TNKS: variants seen among roughly 807,000 people sequenced by gnomAD.
TNKS encodes the protein tankyrase.
A neutral mutation model predicts 135.8 loss-of-function variants in TNKS; 72 were observed. That is an observed-to-expected ratio of 0.53 (90% CI 0.44 to 0.64). The LOEUF is 0.64. TNKS is among the 30% of genes least tolerant of loss of function. TNKS has a pLI of 0.00. For missense variants in TNKS, 1,769 were observed against 1,674.0 expected (o/e 1.06, Z -0.99); for synonymous variants, 849 against 649.3 (o/e 1.31, Z -4.68).
chr8:9,658,560 G>C (rs1801536165), intron 3 of TNKS: 1 of 327,424 alleles, frequency 3.1e-6, no homozygotes, highest in Non-Finnish European at 5.5e-6. Flanking sequence ...CACCAGGCCT[G>C]CCCTAAAAGA....
chr8:9,565,813 C>T (rs1364129971), intron 1 of TNKS, among the ~76,000 whole-genome samples: 2 of 151,944 alleles, frequency 1.3e-5, no homozygotes, highest in Admixed American at 6.6e-5. Context: ...GCCGAGATCA[C>T]GCCACTGCAC....
chr8:9,614,782 C>T (rs1353125540), intron 2 of TNKS, among the ~76,000 whole-genome samples: 2 of 152,170 alleles, frequency 1.3e-5, no homozygotes, highest in South Asian at 2.1e-4. Context: ...ACCCTCCCTA[C>T]GTATACACAC....
rs181975977 is a variant in TNKS at position 9,631,478 on chromosome 8, T to C, written c.994+15801T>C. Among the ~76,000 whole-genome samples the C allele has an allele frequency of 2.9e-3, 446 of 152,342 alleles. 4 individuals are homozygous for C. The highest frequency in any genetic ancestry group is 1.0e-2 in the African/African-American group (414 of 41,590). On this transcript the variant is annotated intron_variant, in intron 3 of 26. Transcript: ENST00000310430. Reference sequence around the variant, plus strand: ...CTATAAAATAAGTTATCTAGTGTAGTAGAAGAAAATTTACTAAAAACTAAA... The same window carrying C: ...CTATAAAATAAGTTATCTAGTGTAGCAGAAGAAAATTTACTAAAAACTAAA...
At chr8:9,575,808 C>CT (rs1405783947) in intron 1 of TNKS, among the ~76,000 whole-genome samples, 1 of 152,164 alleles carries the variant, frequency 6.6e-6, no homozygotes, top group Non-Finnish European at 1.5e-5. Context: ...ATGGATTTAA[C>CT]TATGAGTATT....
At chr8:9,698,374 GAA>G (rs34311181) in intron 5 of TNKS, among the ~76,000 whole-genome samples, 1 of 98,758 alleles carries the variant, frequency 1.0e-5, no homozygotes. Flanking sequence ...ATTTTAAAAT[GAA>G]AAAAAAAAAA....
intron 2 of TNKS, among the ~76,000 whole-genome samples, chr8:9,598,065 A>C (rs1180144185): frequency 2.0e-5 from 3 of 152,162 alleles, no homozygotes; most frequent in African/African-American, 7.2e-5. Flanking sequence ...TTGGCATTTC[A>C]GTCTGTTGAA....
chr8:9,657,810 G>A (rs1406062517), intron 3 of TNKS, among the ~76,000 whole-genome samples: 8 of 150,846 alleles, frequency 5.3e-5, no homozygotes, highest in East Asian at 2.0e-4. Flanking sequence ...CGGATGGGGC[G>A]GCTGCCGGGC....
chr8:9,636,500 G>C (rs1800517044), intron 3 of TNKS, among the ~76,000 whole-genome samples: 1 of 150,982 alleles, frequency 6.6e-6, no homozygotes, highest in South Asian at 2.1e-4. Flanking sequence ...ATTGATTATT[G>C]TTTCAAAATT....
At chr8:9,656,499 G>A (rs1801374489) in intron 3 of TNKS, among the ~76,000 whole-genome samples, 1 of 152,204 alleles carries the variant, frequency 6.6e-6, no homozygotes, top group Non-Finnish European at 1.5e-5. Context: ...AGAAAGGTCG[G>A]GTTACCCACA....
In TNKS at chr8:9,585,618, A is replaced by G. The variant is rs527315539; in HGVS notation, c.898+5235A>G. ...ATAACCTTCTAAAGCCTGCTGGAAG[A>G]AAAGGATTAAGTTGTAATTTCCTTG... On this transcript the variant is annotated intron_variant, in intron 2 of 26. Coordinates refer to ENST00000310430, the MANE Select transcript of TNKS (RefSeq NM_003747.3). 3.0e-4 allele frequency among the ~76,000 whole-genome samples: 46 copies of G among 152,354 alleles called. 1 individual carries two copies. The highest frequency in any genetic ancestry group is 1.4e-3 in the Admixed American group (22 of 15,304).
At chr8:9,696,902 A>G (rs1053390683) in intron 5 of TNKS, among the ~76,000 whole-genome samples, 1 of 152,182 alleles carries the variant, frequency 6.6e-6, no homozygotes, top group Non-Finnish European at 1.5e-5. Context: ...GTTCAGTGCT[A>G]TTCCTATCCA....
chr8:9,687,693 C>T (rs1803071991), intron 5 of TNKS, among the ~76,000 whole-genome samples: 1 of 152,144 alleles, frequency 6.6e-6, no homozygotes, highest in Non-Finnish European at 1.5e-5. Flanking sequence ...TCTATTTAGC[C>T]ACTCTCCTAG....
At chr8:9,758,478 C>A (rs571505555) in intron 20 of TNKS, among the ~76,000 whole-genome samples, 31 of 152,228 alleles carry the variant, frequency 2.0e-4, no homozygotes, top group African/African-American at 7.5e-4. Flanking sequence ...GCCAAGATAG[C>A]GTAGGTAGAT....
At chr8:9,667,898 T>C (rs181650608) in intron 3 of TNKS, among the ~76,000 whole-genome samples, 1 of 152,036 alleles carries the variant, frequency 6.6e-6, no homozygotes, top group African/African-American at 2.4e-5. Flanking sequence ...TCACGTCATT[T>C]ATTTTTTCAT....
At chr8:9,569,181 C>T (rs546377840) in intron 1 of TNKS, among the ~76,000 whole-genome samples, 6 of 152,114 alleles carry the variant, frequency 3.9e-5, no homozygotes, top group South Asian at 4.1e-4. Context: ...GAACAAATAC[C>T]GTTTGGTTTC....
At chr8:9,612,548 A>AT (rs77903900) in intron 2 of TNKS, among the ~76,000 whole-genome samples, 15,679 of 152,128 alleles carry the variant, frequency 0.1, 1,160 homozygotes, top group East Asian at 0.23. Context: ...TTGTTTATAT[A>AT]TTTTTAATGG....
chr8:9,686,519 A>G (rs1056754709), intron 5 of TNKS, among the ~76,000 whole-genome samples: 5 of 152,176 alleles, frequency 3.3e-5, no homozygotes, highest in African/African-American at 9.7e-5. Context: ...ATATAACTCA[A>G]TGCTTATTAT....
intron 5 of TNKS, among the ~76,000 whole-genome samples, chr8:9,690,334 A>G (rs115424636): frequency 0.013 from 2,031 of 152,388 alleles, 18 homozygotes; most frequent in African/African-American, 0.031. Flanking sequence ...GTTGGCATTC[A>G]GAGCTTTATT....
At chr8:9,652,310 T>C (rs374745713) in intron 3 of TNKS, among the ~76,000 whole-genome samples, 17 of 152,302 alleles carry the variant, frequency 1.1e-4, no homozygotes, top group African/African-American at 3.6e-4. Flanking sequence ...TCTTTTTTGG[T>C]ATAGAGGAGA....
Sources: allele counts gnomAD v4.1 joint callset (sites outside exome capture counted in the v4.1 genomes callset), GRCh38; gene constraint gnomAD v4.1.1; transcripts MANE v1.5; gene names NCBI Gene and HGNC (gene_info 2026-07-23, HGNC 2026-07-21).